Variants in RB1 observed in about 807,000 individuals in gnomAD.
RB1 encodes retinoblastoma-associated protein.
RB1 carries 18 observed loss-of-function variants against 135.4 expected under a neutral mutation model. The observed-to-expected ratio is 0.13, with a 90% CI of 0.09 to 0.20. The LOEUF (loss-of-function observed/expected upper bound fraction) is 0.20, where lower values mean the gene tolerates loss of function less well. Among genes scored for constraint, RB1 ranks in the 10% least tolerant of loss-of-function variants. The pLI, the probability that RB1 is intolerant of heterozygous loss-of-function variation, is 1.00. For synonymous variants in RB1, 365 were observed against 373.2 expected, an observed-to-expected ratio of 0.98 and a Z score of 0.25; for missense variants, 868 against 1,110.0, an observed-to-expected ratio of 0.78 and a Z score of 3.10.
chr13:48,440,130 TA>T (rs1949222669), intron 17 of RB1, among the ~76,000 whole-genome samples: 1 of 152,008 alleles, frequency 6.6e-6, no homozygotes, highest in Non-Finnish European at 1.5e-5. Context: ...ATCTTGGGAG[TA>T]AAAGGGAAAC....
chr13:48,462,400 C>T (rs1949411880), intron 20 of RB1, among the ~76,000 whole-genome samples: 1 of 152,188 alleles, frequency 6.6e-6, no homozygotes, highest in African/African-American at 2.4e-5. Context: ...GCTAGGATTA[C>T]AGGCATGAGC....
At chr13:48,305,244 C>T (rs1319944573) in intron 1 of RB1, among the ~76,000 whole-genome samples, 3 of 152,032 alleles carry the variant, frequency 2.0e-5, no homozygotes, top group Non-Finnish European at 2.9e-5. Flanking sequence ...TAACAATTCA[C>T]GGCAGAAAAG....
At chr13:48,370,741 C>A (rs774678309) in intron 11 of RB1, among the ~76,000 whole-genome samples, 7 of 152,222 alleles carry the variant, frequency 4.6e-5, no homozygotes, top group Non-Finnish European at 1.0e-4. Flanking sequence ...TTTATGGAGG[C>A]CTCATTGCAT....
chr13:48,339,111 T>C (rs1455874618), intron 2 of RB1, among the ~76,000 whole-genome samples: 3 of 152,222 alleles, frequency 2.0e-5, no homozygotes, highest in Non-Finnish European at 2.9e-5. Context: ...GTTAGGCTAC[T>C]CAGGGGTCAG....
intron 2 of RB1, among the ~76,000 whole-genome samples, chr13:48,308,349 C>CA (rs1052768217): frequency 1.4e-4 from 20 of 145,546 alleles, no homozygotes; most frequent in African/African-American, 3.8e-4. Flanking sequence ...GACCCTGTTG[C>CA]AAAAAAAAAT....
chr13:48,332,724 G>A (rs912522583), intron 2 of RB1, among the ~76,000 whole-genome samples: 42 of 152,148 alleles, frequency 2.8e-4, no homozygotes, highest in African/African-American at 9.2e-4. Context: ...AGACAAAATG[G>A]TGACTATGTG....
chr13:48,450,799 C>A (rs190511090), intron 17 of RB1, among the ~76,000 whole-genome samples: 3 of 152,242 alleles, frequency 2.0e-5, no homozygotes, highest in Admixed American at 6.5e-5. Context: ...AATATTGATT[C>A]TTTCTATCCA....
intron 4 of RB1, among the ~76,000 whole-genome samples, chr13:48,347,528 A>G (rs2138091020): frequency 6.6e-6 from 1 of 152,252 alleles, no homozygotes; most frequent in East Asian, 1.9e-4. Flanking sequence ...GACAAATCAT[A>G]TGAGATAATT....
intron 17 of RB1, among the ~76,000 whole-genome samples, chr13:48,388,726 G>A (rs1448444648): frequency 6.6e-6 from 1 of 152,196 alleles, no homozygotes; most frequent in African/African-American, 2.4e-5. Flanking sequence ...AATATAGTAT[G>A]AGAAGAGAAG....
intron 3 of RB1, among the ~76,000 whole-genome samples, chr13:48,344,588 A>G (rs577300515): frequency 7.2e-5 from 11 of 152,186 alleles, no homozygotes; most frequent in Admixed American, 5.9e-4. Context: ...AAGAACAGAA[A>G]AGTGTCCACA....
At chr13:48,452,934 A>C in intron 17 of RB1, 59 bp from the exon 18 acceptor site, 1 of 1,602,870 alleles carries the variant, frequency 6.2e-7, no homozygotes, top group Non-Finnish European at 8.5e-7. Context: ...TGATTTTGAT[A>C]TGTACCTGGG....
chr13:48,372,339 A>G (rs1008246335), intron 11 of RB1, among the ~76,000 whole-genome samples: 1 of 152,208 alleles, frequency 6.6e-6, no homozygotes, highest in Non-Finnish European at 1.5e-5. Context: ...GTGGACACAG[A>G]AGCATATAGA....
intron 17 of RB1, 74 bp from the exon 18 acceptor site, chr13:48,452,919 C>T: frequency 6.3e-7 from 1 of 1,592,170 alleles, no homozygotes; most frequent in South Asian, 1.1e-5. Flanking sequence ...CCATGTCAAA[C>T]AATATGATTT....
intron 13 of RB1, among the ~76,000 whole-genome samples, chr13:48,378,299 C>CA (rs1338645783): frequency 1.3e-5 from 2 of 152,048 alleles, no homozygotes; most frequent in Admixed American, 1.3e-4. Context: ...TACAGCTGTA[C>CA]AAAAATATTT....
At chr13:48,462,159 T>TGTCACCCA (rs1320786391) in intron 20 of RB1, among the ~76,000 whole-genome samples, 3 of 151,462 alleles carry the variant, frequency 2.0e-5, no homozygotes, top group Non-Finnish European at 4.4e-5. Flanking sequence ...GGTCTTACTC[T>TGTCACCCA]GTCACCCAGG....
At chr13:48,443,317 T>TA (rs1285268145) in intron 17 of RB1, among the ~76,000 whole-genome samples, 8 of 151,868 alleles carry the variant, frequency 5.3e-5, no homozygotes, top group African/African-American at 1.9e-4. Context: ...GAGTCATAAA[T>TA]ATCTTAATAT....
At chr13:48,449,012 T>C (rs1375806381) in intron 17 of RB1, among the ~76,000 whole-genome samples, 2 of 152,152 alleles carry the variant, frequency 1.3e-5, no homozygotes, top group African/African-American at 2.4e-5. Context: ...TTTTATTGAG[T>C]GAATTAAGAG....
chr13:48,329,110 C>CTAGA lies in RB1; in HGVS notation c.265-13486_265-13483dup, dbSNP rs898032869. Among the ~76,000 whole-genome samples, 3 of 151,926 alleles carry CTAGA rather than the reference C, an allele frequency of 2.0e-5. No homozygotes were observed. The South Asian group carries it at 6.2e-4, about 32-fold the overall frequency. On this transcript the variant is annotated intron_variant, in intron 2 of 26. Coordinates refer to ENST00000267163, the MANE Select transcript of RB1 (RefSeq NM_000321.3). ...AAACATTTAATCAAGTTTATGAGACCTAGATATTTAGCAGAGTTTTGGAGT... is the reference window on the plus strand; with the variant it reads ...AAACATTTAATCAAGTTTATGAGACCTAGATAGATATTTAGCAGAGTTTTGGAGT...
At chr13:48,456,647 C>T (rs907269367) in intron 19 of RB1, among the ~76,000 whole-genome samples, 1 of 152,234 alleles carries the variant, frequency 6.6e-6, no homozygotes, top group African/African-American at 2.4e-5. Context: ...CTCACACTAC[C>T]GGCCTGGGTC....
Sources: gnomAD v4.1 joint callset for allele counts (sites outside exome capture counted in the v4.1 genomes callset) on GRCh38, gnomAD v4.1.1 for gene constraint, MANE v1.5 for transcripts, NCBI Gene and HGNC (gene_info 2026-07-23, HGNC 2026-07-21) for gene names.